The following SVOPL variants were observed in gnomAD, a reference collection of about 807,000 sequenced individuals.
SVOPL encodes the protein SVOP like, also known as putative transporter SVOPL.
In SVOPL, 60 loss-of-function variants were observed where a neutral mutation model predicts 61.0. The observed-to-expected ratio is 0.98, with a 90% CI of 0.80 to 1.22. The LOEUF (loss-of-function observed/expected upper bound fraction) is 1.22, where lower values mean the gene tolerates loss of function less well. Ranked by LOEUF, SVOPL falls within the 50% of genes most tolerant of loss-of-function variation. SVOPL has a pLI of 0.00. For synonymous variants in SVOPL, 279 were observed against 250.0 expected, an observed-to-expected ratio of 1.12 and a Z score of -1.09; for missense variants, 662 against 643.9, an observed-to-expected ratio of 1.03 and a Z score of -0.30.
intron 1 of SVOPL, among the ~76,000 whole-genome samples, chr7:138,698,422 G>A (rs983766811): frequency 6.6e-6 from 1 of 152,046 alleles, no homozygotes; most frequent in Admixed American, 6.6e-5. Context: ...ACACCCCCTC[G>A]CTAGACTAGA....
At chr7:138,626,569 T>C (rs546581986) in intron 12 of SVOPL, among the ~76,000 whole-genome samples, 2 of 152,114 alleles carry the variant, frequency 1.3e-5, no homozygotes, top group Non-Finnish European at 2.9e-5. Context: ...ATTTTTGTAT[T>C]TGTTGTAGAG....
Position 138,611,805 on chromosome 7 carries a change from C to T in SVOPL, c.1353+9241G>A, listed in dbSNP as rs1303099631. Among the ~76,000 whole-genome samples the T allele has an allele frequency of 1.3e-4, 3 of 22,302 alleles. 1 individual carries two copies. Among genetic ancestry groups the T allele is most frequent in the African/African-American group, 3.1e-4 (3 of 9,822 alleles). The allele number at this position is 22,302 out of a possible 152,430, so 14.6% of individuals were successfully genotyped here. A position where few individuals can be genotyped will look rare whatever the true frequency, so the allele number is the denominator to read the frequency against. On this transcript the variant is annotated intron_variant, in intron 14 of 15. Transcript: ENST00000674285. ...GACAATAGTTAATAATATATAGCTT[C>T]GACAACCTACACCTCCCAGCCGCCT...
In SVOPL at chr7:138,656,467, T is replaced by C. The variant is rs1563123739; in HGVS notation, c.515A>G (p.Tyr172Cys). 1 of 1,614,102 alleles carries C rather than the reference T, an allele frequency of 6.2e-7. No individual in the cohort carries two copies. The highest frequency in any genetic ancestry group is 8.5e-7 in the Non-Finnish European group (1 of 1,179,990). The part of the protein sequence containing the change: ...TEFLPTKYRG[Y>C]MLPLSQVFWL... ...CCTTACCTGAGACAAGGGTAACATATAGCCTCGGTATTTCGTGGGCAAAAA... is the reference window on the plus strand; with the variant it reads ...CCTTACCTGAGACAAGGGTAACATACAGCCTCGGTATTTCGTGGGCAAAAA... The change falls in exon 7 of 16, where the codon TAT (tyrosine) becomes TGT (cysteine). Residue 172 changes from tyrosine to cysteine, a missense_variant. Coordinates refer to ENST00000674285, the MANE Select transcript of SVOPL (RefSeq NM_001139456.2).
At chr7:138,699,822 C>T (rs1803150642) in intron 1 of SVOPL, among the ~76,000 whole-genome samples, 2 of 152,178 alleles carry the variant, frequency 1.3e-5, no homozygotes, top group Non-Finnish European at 1.5e-5. Context: ...GTTCAGTGCC[C>T]GTCACTTGTA....
intron 14 of SVOPL, among the ~76,000 whole-genome samples, chr7:138,604,510 T>C (rs902647709): frequency 1.1e-4 from 16 of 151,436 alleles, no homozygotes; most frequent in African/African-American, 1.7e-4. Flanking sequence ...CCCGTCTCTA[T>C]TAAAAACACA....
At chr7:138,663,178 A>G in intron 4 of SVOPL, 33 bp from the exon 5 acceptor site, 4 of 1,604,380 alleles carry the variant, frequency 2.5e-6, no homozygotes, top group Non-Finnish European at 3.4e-6. Context: ...ACGGTTCTCT[A>G]AGCAGGTTTT....
At chr7:138,675,128 T>G (rs899320939) in intron 3 of SVOPL, among the ~76,000 whole-genome samples, 23 of 151,364 alleles carry the variant, frequency 1.5e-4, no homozygotes, top group Admixed American at 1.1e-3. Flanking sequence ...GAGGCCAGGC[T>G]TGGTGGCTAA....
intron 4 of SVOPL, 42 bp downstream of exon 4, chr7:138,671,977 C>A: frequency 6.5e-7 from 1 of 1,529,374 alleles, no homozygotes; most frequent in Non-Finnish European, 8.9e-7. Context: ...GGAGCCTACG[C>A]CCTCAGTTGC....
chr7:138,658,876 GC>G (rs1801871989), intron 6 of SVOPL, among the ~76,000 whole-genome samples: 1 of 94,048 alleles, frequency 1.1e-5, no homozygotes, highest in Non-Finnish European at 2.1e-5. Flanking sequence ...GTGCCCCCCC[GC>G]CCCAACCCCA....
At chr7:138,612,485 C>A in intron 14 of SVOPL, among the ~76,000 whole-genome samples, 1 of 135,830 alleles carries the variant, frequency 7.4e-6, no homozygotes, top group Non-Finnish European at 1.6e-5. Flanking sequence ...CTTTATCTTT[C>A]ATCCTTATCC....
intron 4 of SVOPL, among the ~76,000 whole-genome samples, chr7:138,666,804 G>C (rs1260588730): frequency 6.6e-6 from 1 of 152,156 alleles, no homozygotes; most frequent in Non-Finnish European, 1.5e-5. Context: ...AGCTTACCTA[G>C]TCTGCATGTA....
At chr7:138,596,921 A>G (rs753958867) in intron 14 of SVOPL, 29 of 1,088,018 alleles carry the variant, frequency 2.7e-5, no homozygotes, top group Non-Finnish European at 3.3e-5. Context: ...CCAAATATCC[A>G]TTATCTCTTC....
At chr7:138,676,970 C>T (rs1163582992) in intron 3 of SVOPL, among the ~76,000 whole-genome samples, 4 of 144,072 alleles carry the variant, frequency 2.8e-5, no homozygotes, top group African/African-American at 7.7e-5. Context: ...GTGGCACTAT[C>T]GCAGCTCACT....
intron 1 of SVOPL, chr7:138,689,043 C>A (rs1802881049): frequency 1.4e-6 from 1 of 712,718 alleles, no homozygotes; most frequent in South Asian, 1.4e-5. Context: ...ACGTTCAAAT[C>A]TTTGTGTTCA....
intron 6 of SVOPL, among the ~76,000 whole-genome samples, chr7:138,657,366 T>C (rs1801798123): frequency 6.6e-6 from 1 of 151,992 alleles, no homozygotes; most frequent in South Asian, 2.1e-4. Flanking sequence ...GCATTGCCAA[T>C]CCTGGCCTCA....
chr7:138,631,960 TCACACACACACACA>T (rs756332176), intron 9 of SVOPL, among the ~76,000 whole-genome samples: 1 of 146,966 alleles, frequency 6.8e-6, no homozygotes, highest in Non-Finnish European at 1.5e-5. Context: ...TGCTCTGATA[TCACACACACACACA>T]CACACACACA....
chr7:138,689,290 T>C, intron 1 of SVOPL: 2 of 1,590,790 alleles, frequency 1.3e-6, no homozygotes, highest in South Asian at 2.2e-5. Flanking sequence ...AATGCAGAAC[T>C]TAAGGGTTTA....
chr7:138,657,146 ATTTATTT>A (rs1801785840), intron 6 of SVOPL, among the ~76,000 whole-genome samples: 6 of 92,106 alleles, frequency 6.5e-5, no homozygotes, highest in Admixed American at 5.9e-4. Flanking sequence ...TTATTTATTT[ATTTATTT>A]ATTTATTTAT....
Position 138,626,046 on chromosome 7 carries a change from C to G in SVOPL, c.1186G>C (p.Gly396Arg), listed in dbSNP as rs144549446. ...LLLNICTSSA[G>R]LIGFLFMLRA... ...AGCATGAAGAGGAAGCCAATCAGGC[C>G]GGCACTAGAAAACAGGAAGCGGAGA... Residue 396 changes from glycine (G) to arginine (R), a missense_variant, in exon 13 of 16, where the codon GGC becomes CGC. By Grantham distance (125) the Gly-to-Arg change is moderately radical. Coordinates refer to ENST00000674285, the MANE Select transcript of SVOPL (RefSeq NM_001139456.2). The G allele has an allele frequency of 1.2e-6, 2 of 1,613,892 alleles. No individual in the cohort carries two copies. Among genetic ancestry groups the G allele is most frequent in the African/African-American group, 2.7e-5 (2 of 74,884 alleles).
Sources: allele counts gnomAD v4.1 joint callset (sites outside exome capture counted in the v4.1 genomes callset), GRCh38; gene constraint gnomAD v4.1.1; transcripts MANE v1.5; gene names NCBI Gene and HGNC (gene_info 2026-07-23, HGNC 2026-07-21).